BABAM2: variants seen among roughly 807,000 people sequenced by gnomAD.
BABAM2 encodes BRISC and BRCA1 A complex member 2.
A neutral mutation model predicts 54.7 loss-of-function variants in BABAM2; 31 were observed. The observed-to-expected ratio is 0.57, with a 90% CI of 0.43 to 0.77. BABAM2 has a LOEUF of 0.77. Ranked by LOEUF, BABAM2 falls within the 30% of genes least tolerant of loss-of-function variation. The pLI is 0.00. For missense variants in BABAM2, 364 were observed against 455.8 expected, an observed-to-expected ratio of 0.80 and a Z score of 1.83; for synonymous variants, 167 against 162.9, an observed-to-expected ratio of 1.03 and a Z score of -0.19.
chr2:28,056,468 A>T (rs1678429499), intron 6 of BABAM2, among the ~76,000 whole-genome samples: 1 of 152,144 alleles, frequency 6.6e-6, no homozygotes, highest in Non-Finnish European at 1.5e-5. Context: ...CAGTTTATTT[A>T]AAATTTTTTT....
chr2:28,300,751 G>A (rs1046688504), intron 11 of BABAM2, among the ~76,000 whole-genome samples: 1 of 152,164 alleles, frequency 6.6e-6, no homozygotes, highest in African/African-American at 2.4e-5. Context: ...CGTAAGTGAA[G>A]CCTGTTTATC....
intron 3 of BABAM2, among the ~76,000 whole-genome samples, chr2:27,937,411 C>G (rs1668565047): frequency 6.6e-6 from 1 of 152,182 alleles, no homozygotes; most frequent in African/African-American, 2.4e-5. Context: ...CAGGCATGAG[C>G]CACCGCACCC....
At chr2:28,089,013 G>T (rs532214211) in intron 6 of BABAM2, among the ~76,000 whole-genome samples, 20 of 151,892 alleles carry the variant, frequency 1.3e-4, no homozygotes, top group African/African-American at 4.6e-4. Context: ...CTTACCAAAA[G>T]ATATTGTAAA....
chr2:28,104,843 G>A (rs1431021340), intron 6 of BABAM2, among the ~76,000 whole-genome samples: 1 of 152,146 alleles, frequency 6.6e-6, no homozygotes, highest in East Asian at 1.9e-4. Context: ...TATACACCAT[G>A]GAATACTGTG....
intron 11 of BABAM2, chr2:28,310,079 C>T: frequency 1.2e-6 from 2 of 1,614,120 alleles, no homozygotes; most frequent in Non-Finnish European, 1.7e-6. Flanking sequence ...TTTTTCCTTA[C>T]AGAAGAGAGA....
At chr2:27,910,075 C>T (rs978497163) in intron 2 of BABAM2, among the ~76,000 whole-genome samples, 13 of 152,194 alleles carry the variant, frequency 8.5e-5, no homozygotes, top group Admixed American at 7.2e-4. Context: ...TAACAGTTCT[C>T]CCTTGTTCTT....
At chr2:27,914,258 C>T (rs547784285) in intron 2 of BABAM2, among the ~76,000 whole-genome samples, 5 of 152,154 alleles carry the variant, frequency 3.3e-5, no homozygotes, top group Non-Finnish European at 7.4e-5. Context: ...GCAGCTAATA[C>T]TGTTACATAG....
intron 11 of BABAM2, chr2:28,308,128 T>G (rs1273155421): frequency 7.0e-6 from 2 of 284,146 alleles, no homozygotes; most frequent in African/African-American, 4.4e-5. Flanking sequence ...TCTAGAGGAG[T>G]GAGGGCTCAA....
intron 5 of BABAM2, among the ~76,000 whole-genome samples, chr2:28,031,140 A>G (rs1676263839): frequency 6.6e-6 from 1 of 152,236 alleles, no homozygotes; most frequent in Non-Finnish European, 1.5e-5. Flanking sequence ...GAAGGGTAGT[A>G]TCATAAACTT....
chr2:28,105,325 G>A (rs553845938), intron 6 of BABAM2, among the ~76,000 whole-genome samples: 1 of 152,292 alleles, frequency 6.6e-6, no homozygotes, highest in South Asian at 2.1e-4. Context: ...TAGTATGTGA[G>A]AGAGTCCTAG....
intron 5 of BABAM2, among the ~76,000 whole-genome samples, chr2:28,037,387 G>A (rs1298433067): frequency 6.6e-6 from 1 of 152,038 alleles, no homozygotes; most frequent in South Asian, 2.1e-4. Flanking sequence ...AACATATATA[G>A]AACTCCCTCA....
At chr2:28,097,821 C>T (rs1231271990) in intron 6 of BABAM2, among the ~76,000 whole-genome samples, 1 of 152,170 alleles carries the variant, frequency 6.6e-6, no homozygotes, top group Non-Finnish European at 1.5e-5. Context: ...CTCTAACTTA[C>T]TCGTTGTCTT....
At chr2:28,181,731 G>A (rs763146618) in intron 7 of BABAM2, among the ~76,000 whole-genome samples, 15 of 151,162 alleles carry the variant, frequency 9.9e-5, no homozygotes, top group African/African-American at 2.2e-4. Flanking sequence ...GCCATTGAAA[G>A]TAATGGTAAA....
At chr2:28,101,170 A>G (rs1036785096) in intron 6 of BABAM2, among the ~76,000 whole-genome samples, 1 of 152,194 alleles carries the variant, frequency 6.6e-6, no homozygotes, top group Admixed American at 6.5e-5. Flanking sequence ...TTATCCAGCC[A>G]GGTTGACATA....
chr2:28,213,504 A>G (rs1295923030), intron 7 of BABAM2, among the ~76,000 whole-genome samples: 1 of 152,144 alleles, frequency 6.6e-6, no homozygotes, highest in Admixed American at 6.5e-5. Flanking sequence ...GCTGTATTAT[A>G]TTGAGAAAAG....
chr2:27,917,543 A>T (rs1667070823), intron 2 of BABAM2, among the ~76,000 whole-genome samples: 1 of 151,996 alleles, frequency 6.6e-6, no homozygotes, highest in Non-Finnish European at 1.5e-5. Flanking sequence ...GGGGCAGACG[A>T]GCTCCCTCAG....
In BABAM2 at chr2:28,252,877, A is replaced by G. The variant is rs115169438; in HGVS notation, c.934+8015A>G. 7.5e-3 allele frequency among the ~76,000 whole-genome samples: 1,136 copies of G among 152,360 alleles called. 9 individuals are homozygous for G. Among genetic ancestry groups the G allele is most frequent in the African/African-American group, 0.026 (1,081 of 41,586 alleles). ...GAAAAATTAGCAATTTTGACTTCTC[A>G]GTGATTTTTGACATGCTGTCAAATT... On this transcript the variant is annotated intron_variant, in intron 10 of 11. Coordinates refer to ENST00000379624, the MANE Select transcript of BABAM2 (RefSeq NM_199191.3).
At chr2:28,016,074 T>C in intron 4 of BABAM2, 1 of 772,430 alleles carries the variant, frequency 1.3e-6, no homozygotes, top group Non-Finnish European at 2.2e-6. Flanking sequence ...AAGATTTATG[T>C]GAACGGTTCT....
rs565643578 is a variant in BABAM2 at position 28,090,282 on chromosome 2, G to C, written c.571-38989G>C. Among the ~76,000 whole-genome samples, 24 of 152,216 alleles carry C rather than the reference G, an allele frequency of 1.6e-4. No individual in the cohort carries two copies. In the South Asian group the frequency reaches 5.0e-3, roughly 32 times the overall value. On this transcript the variant is annotated intron_variant, in intron 6 of 11. Transcript: ENST00000379624. Reference sequence around the variant, plus strand: ...TTTTTTTGAGATGGAGTCTCGCTCCGTCGCCAGGCTGGAGTGCAGTGGCGT... The same window carrying C: ...TTTTTTTGAGATGGAGTCTCGCTCCCTCGCCAGGCTGGAGTGCAGTGGCGT...
Sources: allele counts gnomAD v4.1 joint callset (sites outside exome capture counted in the v4.1 genomes callset), GRCh38; gene constraint gnomAD v4.1.1; transcripts MANE v1.5; gene names NCBI Gene and HGNC (gene_info 2026-07-23, HGNC 2026-07-21).